POU3F3: variants seen among roughly 807,000 people sequenced by gnomAD.
The protein encoded by POU3F3 is POU class 3 homeobox 3.
Under a neutral mutation model 8.6 loss-of-function variants are expected in POU3F3, and 1 was observed. The ratio of observed to expected loss-of-function variants is 0.12; its 90% CI spans 0.04 to 0.55. The LOEUF is 0.55. Ranked by LOEUF, POU3F3 falls within the 20% of genes least tolerant of loss-of-function variation. POU3F3 has a pLI of 0.91. For missense variants in POU3F3, 577 were observed against 690.7 expected, an observed-to-expected ratio of 0.84 and a Z score of 1.84; for synonymous variants, 418 against 327.4, an observed-to-expected ratio of 1.28 and a Z score of -2.99.
the POU3F3 span, among the ~76,000 whole-genome samples, chr2:104,898,127 G>A: frequency 9.2e-5 from 14 of 152,248 alleles, no homozygotes; most frequent in East Asian, 1.2e-3. Flanking sequence ...ATTAGTGCCC[G>A]CTTAAGAAGA....
At chr2:104,873,342 AG>A in the POU3F3 span, among the ~76,000 whole-genome samples, 1 of 152,050 alleles carries the variant, frequency 6.6e-6, no homozygotes, top group Non-Finnish European at 1.5e-5. Context: ...TCTCTCCGGG[AG>A]AGTGGCCAGG....
chr2:104,907,692 A>G, the POU3F3 span, among the ~76,000 whole-genome samples: 1 of 152,220 alleles, frequency 6.6e-6, no homozygotes. Context: ...TTTTCCAGGT[A>G]TACAATCCTA....
chr2:104,871,903 T>C, the POU3F3 span, among the ~76,000 whole-genome samples: 1 of 152,192 alleles, frequency 6.6e-6, no homozygotes, highest in Non-Finnish European at 1.5e-5. Flanking sequence ...AAGTTCACTT[T>C]ATTCCTTCGC....
At chr2:104,882,949 G>A in the POU3F3 span, among the ~76,000 whole-genome samples, 2 of 152,322 alleles carry the variant, frequency 1.3e-5, no homozygotes, top group Middle Eastern at 3.4e-3. Context: ...GAAAATGACA[G>A]GTGGTAGTAA....
At chr2:104,872,056 C>G in the POU3F3 span, among the ~76,000 whole-genome samples, 1 of 151,968 alleles carries the variant, frequency 6.6e-6, no homozygotes, top group African/African-American at 2.4e-5. This position sits in a 1 kb window ranked among gnomAD's most constrained non-coding sequence, Gnocchi z 4.6. Context: ...CTCCCCACCC[C>G]CGAACACACA....
At chr2:104,881,552 T>A in the POU3F3 span, among the ~76,000 whole-genome samples, 1 of 152,044 alleles carries the variant, frequency 6.6e-6, no homozygotes, top group East Asian at 1.9e-4. Context: ...TGTCTCTCTG[T>A]CTCCGTCTCT....
chr2:104,861,192 T>C (rs982279757), downstream of POU3F3, among the ~76,000 whole-genome samples: 3 of 152,218 alleles, frequency 2.0e-5, no homozygotes, highest in African/African-American at 7.2e-5. Context: ...ATATTTGCAC[T>C]AATTTGTATG....
At chr2:104,892,424 G>A in the POU3F3 span, among the ~76,000 whole-genome samples, 1 of 152,022 alleles carries the variant, frequency 6.6e-6, no homozygotes, top group Non-Finnish European at 1.5e-5. Context: ...ATGAACATGA[G>A]GCCATGTGAG....
the POU3F3 span, among the ~76,000 whole-genome samples, chr2:104,899,707 A>G: frequency 6.6e-6 from 1 of 152,244 alleles, no homozygotes. Context: ...CTGTGAGCCA[A>G]CAAAGGTAAT....
At chr2:104,870,399 T>C in the POU3F3 span, among the ~76,000 whole-genome samples, 1,662 of 152,340 alleles carry the variant, frequency 0.011, 34 homozygotes, top group African/African-American at 0.038. Context: ...AGGAGTGTGC[T>C]TGTCACTAGC....
the POU3F3 span, among the ~76,000 whole-genome samples, chr2:104,888,367 A>G: frequency 3.1e-3 from 475 of 152,294 alleles, 1 homozygote; most frequent in African/African-American, 0.011. Flanking sequence ...AGATGAAAAC[A>G]TTTCTGGATA....
the POU3F3 span, among the ~76,000 whole-genome samples, chr2:104,924,695 C>G: frequency 6.6e-6 from 1 of 152,182 alleles, no homozygotes. Flanking sequence ...ATCTCTTCAT[C>G]TTTTGATCTA....
the POU3F3 span, among the ~76,000 whole-genome samples, chr2:104,924,738 C>A: frequency 6.6e-6 from 1 of 152,084 alleles, no homozygotes; most frequent in Non-Finnish European, 1.5e-5. Context: ...TGATTTTATT[C>A]TTTGTCTGAA....
rs1676531674 is a variant in POU3F3 at position 104,855,399 on chromosome 2, GAGGAGGC to G, written c.-111_-105del. ...GGGCGGGGGCGGGGAAGGAGGGGGG[GAGGAGGC>G]GGGAGGCGGGGGGCGCGGCGGCGGC... is the stretch of plus-strand genomic sequence containing the variant. On this transcript the variant is annotated 5_prime_UTR_variant, in exon 1 of 1. Transcript: ENST00000361360. The G allele has an allele frequency of 2.5e-6, 1 of 398,054 alleles. No individual in the cohort carries two copies. The highest frequency in any genetic ancestry group is 2.4e-5 in the African/African-American group (1 of 41,876). 24.7% of individuals were successfully genotyped at this position (398,054 alleles called of 1,614,324 possible).
the POU3F3 span, among the ~76,000 whole-genome samples, chr2:104,908,950 CTCTTT>C: frequency 6.6e-6 from 1 of 151,764 alleles, no homozygotes; most frequent in African/African-American, 2.4e-5. Context: ...TTCTTTCTTA[CTCTTT>C]TCTTTTTTTA....
At chr2:104,920,430 T>C in the POU3F3 span, among the ~76,000 whole-genome samples, 5 of 152,060 alleles carry the variant, frequency 3.3e-5, no homozygotes, top group Admixed American at 2.6e-4. Context: ...ACTGACTATC[T>C]CCAATGTGAA....
the POU3F3 span, among the ~76,000 whole-genome samples, chr2:104,906,346 T>C: frequency 6.6e-6 from 1 of 152,204 alleles, no homozygotes; most frequent in African/African-American, 2.4e-5. Context: ...GCTGGGTTTA[T>C]TTCTAGACTG....
chr2:104,886,919 A>G, the POU3F3 span, among the ~76,000 whole-genome samples: 1 of 152,152 alleles, frequency 6.6e-6, no homozygotes, highest in African/African-American at 2.4e-5. Flanking sequence ...AAAATAAAAA[A>G]TAAAAAAATT....
the POU3F3 span, among the ~76,000 whole-genome samples, chr2:104,899,418 GA>G: frequency 3.8e-3 from 579 of 152,296 alleles, 6 homozygotes; most frequent in African/African-American, 0.013. Flanking sequence ...TGGCACAATA[GA>G]GAGGATCAGA....
Sources: gnomAD v4.1 joint callset for allele counts (sites outside exome capture counted in the v4.1 genomes callset) on GRCh38, gnomAD v4.1.1 for gene constraint, Gnocchi (gnomAD v3.1) non-coding constraint, MANE v1.5 for transcripts, NCBI Gene and HGNC (gene_info 2026-07-23, HGNC 2026-07-21) for gene names.